The following AGTPBP1 variants were observed in gnomAD, a reference collection of about 807,000 sequenced individuals.
AGTPBP1 encodes ATP/GTP binding carboxypeptidase 1, also known as cytosolic carboxypeptidase 1.
In AGTPBP1, 70 loss-of-function variants were observed where a neutral mutation model predicts 143.9. The observed-to-expected ratio is 0.49, with a 90% CI of 0.40 to 0.59. AGTPBP1 has a LOEUF of 0.59. Among genes scored for constraint, AGTPBP1 ranks in the 20% least tolerant of loss-of-function variants. The pLI, the probability that AGTPBP1 is intolerant of heterozygous loss-of-function variation, is 0.00. For missense variants in AGTPBP1, 1,229 were observed against 1,464.5 expected (o/e 0.84, Z 2.62); for synonymous variants, 463 against 500.2 (o/e 0.93, Z 0.99).
chr9:85,589,057 G>C, intron 20 of AGTPBP1, among the ~76,000 whole-genome samples: 1 of 151,918 alleles, frequency 6.6e-6, no homozygotes, highest in East Asian at 1.9e-4. Flanking sequence ...TATCAAAATT[G>C]AAAGTTTTAT....
chr9:85,767,371 C>G, the AGTPBP1 span, among the ~76,000 whole-genome samples: 1 of 139,330 alleles, frequency 7.2e-6, no homozygotes, highest in Non-Finnish European at 1.5e-5. Flanking sequence ...TTTTTTGAGA[C>G]TGAGTCTTGC....
At chr9:85,727,508 G>A (rs1838582468) in intron 1 of AGTPBP1, among the ~76,000 whole-genome samples, 1 of 152,210 alleles carries the variant, frequency 6.6e-6, no homozygotes, top group Admixed American at 6.5e-5. Context: ...AAACGTGGAT[G>A]AAGAGGACAT....
intron 1 of AGTPBP1, chr9:85,741,158 A>T: frequency 1.1e-6 from 1 of 929,952 alleles, no homozygotes; most frequent in Non-Finnish European, 1.3e-6. Flanking sequence ...GATCTGATTC[A>T]GGTTCAAACC....
intron 15 of AGTPBP1, among the ~76,000 whole-genome samples, chr9:85,620,587 T>A (rs1830870085): frequency 6.6e-6 from 1 of 152,158 alleles, no homozygotes; most frequent in Admixed American, 6.6e-5. Flanking sequence ...ACTCAATATT[T>A]GTAATTTTCA....
At chr9:85,789,660 T>C in the AGTPBP1 span, among the ~76,000 whole-genome samples, 21 of 152,280 alleles carry the variant, frequency 1.4e-4, no homozygotes, top group African/African-American at 5.1e-4. Flanking sequence ...TTGCCTCAAT[T>C]CTTCGTATCT....
intron 1 of AGTPBP1, among the ~76,000 whole-genome samples, chr9:85,740,302 G>T (rs1216869278): frequency 6.6e-6 from 1 of 152,172 alleles, no homozygotes; most frequent in Non-Finnish European, 1.5e-5. Flanking sequence ...ATTCAAGGCA[G>T]AGTTTTGTGA....
chr9:85,642,663 C>A (rs1350911067), intron 13 of AGTPBP1, among the ~76,000 whole-genome samples, 164 bp downstream of exon 13: 1 of 152,020 alleles, frequency 6.6e-6, no homozygotes, highest in African/African-American at 2.4e-5. Flanking sequence ...TGCTTAACTG[C>A]AGCTCAGGAT....
intron 20 of AGTPBP1, 152 bp from the exon 21 acceptor site, chr9:85,588,630 G>T: frequency 1.4e-6 from 1 of 700,716 alleles, no homozygotes; most frequent in Non-Finnish European, 2.3e-6. Flanking sequence ...ACTGCACTAG[G>T]CCCTATAAAA....
In AGTPBP1 at chr9:85,579,094, T is replaced by C; in HGVS notation, c.3168A>G (p.Thr1056=). The change falls in exon 24 of 26, where the codon ACA becomes ACG. Residue 1056 remains threonine (T), a splice_region_variant and synonymous_variant. Transcript: ENST00000357081. ...CDVVEDTGYR[T]LPKILSHIAP... ...CGATATGGCTCAGTATCTTAGGCAA[T>C]GTCTGTTAAAAACAAGAATGATGAT... 6.3e-7 allele frequency: 1 copy of C among 1,589,838 alleles called. No individual in the cohort carries two copies. The highest frequency in any genetic ancestry group is 8.5e-7 in the Non-Finnish European group (1 of 1,173,580).
intron 1 of AGTPBP1, among the ~76,000 whole-genome samples, chr9:85,724,626 G>A (rs1011766791): frequency 5.3e-5 from 8 of 152,064 alleles, no homozygotes; most frequent in Non-Finnish European, 8.8e-5. Flanking sequence ...AACCATATCC[G>A]CATAAATACT....
At chr9:85,777,926 G>T in the AGTPBP1 span, among the ~76,000 whole-genome samples, 1 of 152,192 alleles carries the variant, frequency 6.6e-6, no homozygotes, top group Admixed American at 6.5e-5. Flanking sequence ...TCCTAGAAAG[G>T]GGCTGTAGTG....
chr9:85,632,595 T>A (rs993749121), intron 14 of AGTPBP1, 67 bp downstream of exon 14: 48 of 1,375,216 alleles, frequency 3.5e-5, no homozygotes, highest in Non-Finnish European at 4.3e-5. Flanking sequence ...CCAAAGTAAT[T>A]TTTTTAAGAC....
chr9:85,568,236 A>T (rs1441096501), intron 25 of AGTPBP1, among the ~76,000 whole-genome samples: 1 of 152,258 alleles, frequency 6.6e-6, no homozygotes, highest in African/African-American at 2.4e-5. Flanking sequence ...TGACACAGAA[A>T]TTATAGGTCT....
intron 2 of AGTPBP1, among the ~76,000 whole-genome samples, chr9:85,699,550 T>C (rs1174563961): frequency 6.6e-6 from 1 of 150,708 alleles, no homozygotes; most frequent in Non-Finnish European, 1.5e-5. Flanking sequence ...ATAAATCAAA[T>C]GCAGGCAATA....
At chr9:85,577,942 A>G (rs1429014556) in intron 24 of AGTPBP1, among the ~76,000 whole-genome samples, 1 of 152,210 alleles carries the variant, frequency 6.6e-6, no homozygotes, top group Non-Finnish European at 1.5e-5. Flanking sequence ...TTCAAACACA[A>G]AGTTATTACC....
intron 14 of AGTPBP1, among the ~76,000 whole-genome samples, chr9:85,629,782 G>A (rs2133672181): frequency 6.6e-6 from 1 of 152,304 alleles, no homozygotes; most frequent in Non-Finnish European, 1.5e-5. Flanking sequence ...GCTTGGGAGG[G>A]ATGTATGTCC....
chr9:85,695,815 T>C (rs1418342207), intron 2 of AGTPBP1, among the ~76,000 whole-genome samples: 4 of 152,076 alleles, frequency 2.6e-5, no homozygotes, highest in South Asian at 4.1e-4. Flanking sequence ...ACTGGGATAT[T>C]TTGCCAGACA....
At chr9:85,625,334 C>T (rs1257039145) in intron 14 of AGTPBP1, among the ~76,000 whole-genome samples, 5 of 152,128 alleles carry the variant, frequency 3.3e-5, no homozygotes, top group African/African-American at 1.2e-4. Context: ...TTTCCATAAC[C>T]TCATCAATAG....
At chr9:85,617,648 T>C (rs1830669342) in intron 17 of AGTPBP1, among the ~76,000 whole-genome samples, 2 of 151,912 alleles carry the variant, frequency 1.3e-5, no homozygotes, top group Non-Finnish European at 1.5e-5. Flanking sequence ...ATGAGACAAA[T>C]AGTAGGGAAA....
Sources: gnomAD v4.1 joint callset for allele counts (sites outside exome capture counted in the v4.1 genomes callset) on GRCh38, gnomAD v4.1.1 for gene constraint, MANE v1.5 for transcripts, NCBI Gene and HGNC (gene_info 2026-07-23, HGNC 2026-07-21) for gene names.